The following CDK11A variants were observed in gnomAD, a reference collection of about 807,000 sequenced individuals.
The protein encoded by CDK11A is cyclin-dependent kinase 11A.
In CDK11A, 55 loss-of-function variants were observed where a neutral mutation model predicts 83.6. That is an observed-to-expected ratio of 0.66 (90% confidence interval 0.53 to 0.82). The LOEUF (loss-of-function observed/expected upper bound fraction) is 0.82. Ranked by LOEUF, CDK11A falls within the 40% of genes least tolerant of loss-of-function variation. The pLI is 0.00. For missense variants in CDK11A, 564 were observed against 810.1 expected (o/e 0.70, Z 3.69); for synonymous variants, 247 against 302.7 (o/e 0.82, Z 1.91).
intron 4 of CDK11A, among the ~76,000 whole-genome samples, chr1:1,717,368 C>T (rs1281578678): frequency 7.7e-6 from 1 of 130,390 alleles, no homozygotes; most frequent in East Asian, 2.8e-4. Flanking sequence ...GCTCCAGGTC[C>T]AATTTTCCTA....
In CDK11A at chr1:1,713,846, A is replaced by T. The variant is rs1310635640; in HGVS notation, c.489-1446T>A. ...AGGTCTTCCTTTAGTATTTCCTTTA[A>T]GGCAGGTTTCGCCAACAATGAATCC... On this transcript the variant is annotated intron_variant, in intron 5 of 19. Transcript: ENST00000404249. Among the ~76,000 whole-genome samples the T allele has an allele frequency of 4.1e-4, 20 of 48,814 alleles. 3 individuals carry two copies. The highest frequency in any genetic ancestry group is 7.5e-4 in the African/African-American group (20 of 26,654). The allele number at this position is 48,814 out of a possible 152,430, so 32.0% of individuals were successfully genotyped here.
In CDK11A at chr1:1,702,447, C is replaced by T. The variant is rs1408490462; in HGVS notation, c.*460G>A. 3.4e-5 allele frequency among the ~76,000 whole-genome samples: 4 copies of T among 116,958 alleles called. No individual in the cohort carries two copies. Among genetic ancestry groups the T allele is most frequent in the African/African-American group, 1.2e-4 (4 of 34,106 alleles). The allele number at this position is 116,958 out of a possible 152,430, so 76.7% of individuals were successfully genotyped here. A position where few individuals can be genotyped will look rare whatever the true frequency, so the allele number is the denominator to read the frequency against. On this transcript the variant is annotated 3_prime_UTR_variant, in exon 20 of 20. Transcript: ENST00000404249. ...AACCTTGTATAAAAACCTGTCGAGT[C>T]TGCTGGCACAGCTGGGGCTGGGGGT...
At chr1:1,723,488 CAAAAAA>C (rs768913380) in intron 1 of CDK11A, among the ~76,000 whole-genome samples, 1,846 of 20,648 alleles carry the variant, frequency 0.089, 103 homozygotes, top group African/African-American at 0.17. Context: ...GACCCCGTCT[CAAAAAA>C]AAAAAAAAAA....
intron 1 of CDK11A, among the ~76,000 whole-genome samples, chr1:1,723,514 A>AAAG (rs1644990461): frequency 2.3e-5 from 1 of 42,588 alleles, no homozygotes; most frequent in African/African-American, 5.3e-5. Flanking sequence ...AAAAAAAAAA[A>AAAG]AAAAAAAAAC....
intron 5 of CDK11A, among the ~76,000 whole-genome samples, chr1:1,714,866 C>T (rs971060783): frequency 6.8e-6 from 1 of 147,934 alleles, no homozygotes; most frequent in African/African-American, 2.5e-5. Flanking sequence ...CCAGTCTCTG[C>T]TGCACGTCTT....
At position 1,715,476 on chromosome 1, in the gene CDK11A, G is replaced by C. The variant is rs549155612; in HGVS notation, c.488+870C>G. Among the ~76,000 whole-genome samples the C allele has an allele frequency of 9.7e-4, 145 of 149,120 alleles. 7 individuals are homozygous for C. Among genetic ancestry groups the C allele is most frequent in the Non-Finnish European group, 1.7e-3 (111 of 66,948 alleles). On this transcript the variant is annotated intron_variant, in intron 5 of 19. Coordinates refer to ENST00000404249, the MANE Select transcript of CDK11A (RefSeq NM_024011.4). Reference sequence around the variant, plus strand: ...AAGACACACTCAATGTCTGGCACAGGGCGTGGCATACATGAATGTTTCACA... The same window carrying C: ...AAGACACACTCAATGTCTGGCACAGCGCGTGGCATACATGAATGTTTCACA...
At position 1,704,632 on chromosome 1, in the gene CDK11A, C is replaced by T. The variant is rs779278752; in HGVS notation, c.1482G>A (p.Met494Ile). 1 of 1,598,470 alleles carries T rather than the reference C, an allele frequency of 6.3e-7. No homozygotes were observed. The highest frequency in any genetic ancestry group is 8.5e-7 in the Non-Finnish European group (1 of 1,171,796). The part of the protein sequence containing the change: ...TVREIVVGSN[M>I]DKIYIVMNYV... ...AGTTCATCACGATGTAGATCTTGTC[C>T]ATGTTGCTGCCCACCACAATCTCCT... Residue 494 changes from methionine (M) to isoleucine (I), a missense_variant, in exon 14 of 20, where the codon ATG becomes ATA. Around this residue, in one of 5 missense-constraint regions of CDK11A, gnomAD observed 361 missense variants for 402.7 expected, o/e 0.90. Coordinates refer to ENST00000404249, the MANE Select transcript of CDK11A (RefSeq NM_024011.4).
chr1:1,706,778 C>G (rs1644328553), intron 11 of CDK11A, among the ~76,000 whole-genome samples: 1 of 150,788 alleles, frequency 6.6e-6, no homozygotes, highest in African/African-American at 2.4e-5. Context: ...CAGAGGCGCT[C>G]ACAAGGCATA....
In CDK11A at chr1:1,713,151, T is replaced by C. The variant is rs183150173; in HGVS notation, c.489-751A>G. On this transcript the variant is annotated intron_variant, in intron 5 of 19. Transcript: ENST00000404249. ...GGTGTGCACCACCACACCCAGGTGATTTTTGTATTTTTACTAGAGACAGGG... is the reference window on the plus strand; with the variant it reads ...GGTGTGCACCACCACACCCAGGTGACTTTTGTATTTTTACTAGAGACAGGG... 4.5e-3 allele frequency among the ~76,000 whole-genome samples: 198 copies of C among 44,044 alleles called. 72 individuals are homozygous for C. In the Middle Eastern group the frequency reaches 0.11, roughly 24 times the overall value. The allele number at this position is 44,044 out of a possible 152,430, so 28.9% of individuals were successfully genotyped here.
chr1:1,720,309 G>C (rs12044814), intron 3 of CDK11A, among the ~76,000 whole-genome samples: 119,938 of 149,026 alleles, frequency 0.8, 50,685 homozygotes, highest in Non-Finnish European at 0.93. Flanking sequence ...GTGTTAGCCA[G>C]GGTGGTCTCG....
Position 1,715,734 on chromosome 1 carries a change from A to C in CDK11A, c.488+612T>G, listed in dbSNP as rs538506858. Among the ~76,000 whole-genome samples the C allele has an allele frequency of 2.6e-4, 40 of 151,006 alleles. 1 individual carries two copies. The highest frequency in any genetic ancestry group is 1.8e-3 in the East Asian group (9 of 5,138). ...CAGCTTGCAAGCTTTCTGTGGACTCACTCTGAAGGCGGAGATGGGCCTGCT... is the reference window on the plus strand; with the variant it reads ...CAGCTTGCAAGCTTTCTGTGGACTCCCTCTGAAGGCGGAGATGGGCCTGCT... On this transcript the variant is annotated intron_variant, in intron 5 of 19. Coordinates refer to ENST00000404249, the MANE Select transcript of CDK11A (RefSeq NM_024011.4).
rs1454756396 is a variant in CDK11A, at chr1:1,704,634, T to C, written c.1480A>G (p.Met494Val). 9 of 1,598,834 alleles carry C rather than the reference T, an allele frequency of 5.6e-6. 1 individual carries two copies. Among genetic ancestry groups the C allele is most frequent in the South Asian group, 3.4e-5 (3 of 89,126 alleles). Reference sequence around the variant, plus strand: ...TTCATCACGATGTAGATCTTGTCCATGTTGCTGCCCACCACAATCTCCTGC... The same window carrying C: ...TTCATCACGATGTAGATCTTGTCCACGTTGCTGCCCACCACAATCTCCTGC... ...TVREIVVGSN[M>V]DKIYIVMNYV... The change falls in exon 14 of 20, where the codon ATG (methionine) becomes GTG (valine). Residue 494 changes from methionine (M) to valine (V), a missense_variant. Physicochemically the swap from Met to Val is conservative, Grantham distance 21 (BLOSUM62 1). Around this residue, in one of 5 missense-constraint regions of CDK11A, gnomAD observed 361 missense variants for 402.7 expected, o/e 0.90. Coordinates refer to ENST00000404249, the MANE Select transcript of CDK11A (RefSeq NM_024011.4).
intron 2 of CDK11A, 153 bp from the exon 3 acceptor site, chr1:1,721,864 T>A (rs35548050): frequency 3.4e-6 from 4 of 1,182,760 alleles, no homozygotes; most frequent in East Asian, 2.8e-5. Flanking sequence ...ATATAAAGAA[T>A]TTTTGGCCAG....
rs1471169255 is a variant in CDK11A, at chr1:1,704,419, G to A, written c.1565-75C>T. On this transcript the variant is annotated intron_variant, in intron 14 of 19. Transcript: ENST00000404249. The stretch of plus-strand genomic sequence containing the variant: ...GCACTCAGGGTGGCCCGCTCGCCTC[G>A]GCAGCAACAGAGGCTTCTCAGGGCT... 1.5e-5 allele frequency: 24 copies of A among 1,575,138 alleles called. 5 individuals are homozygous for A. The highest frequency in any genetic ancestry group is 2.0e-5 in the Non-Finnish European group (23 of 1,158,946).
rs1411907848 is a variant in CDK11A at position 1,714,834 on chromosome 1, T to C, written c.488+1512A>G. ...CTGCATCCTCAGGGCTGGTCACAAG[T>C]GGGTGGCGGCTCGAGCTCTCTCCAG... is the stretch of plus-strand genomic sequence containing the variant. On this transcript the variant is annotated intron_variant, in intron 5 of 19. Transcript: ENST00000404249. Among the ~76,000 whole-genome samples the C allele has an allele frequency of 2.1e-5, 3 of 143,232 alleles. No homozygotes were observed. In the East Asian group the frequency reaches 6.5e-4, roughly 31 times the overall value. The allele number at this position is 143,232 out of a possible 152,430, so 94.0% of individuals were successfully genotyped here. A position where few individuals can be genotyped will look rare whatever the true frequency, so the allele number is the denominator to read the frequency against.
rs367901816 is a variant in CDK11A, at chr1:1,707,451, G to C, written c.1203C>G (p.Ile401Met). Residue 401 changes from isoleucine (I) to methionine (M), a missense_variant, in exon 11 of 20, where the codon ATC becomes ATG. Around this residue, in one of 5 missense-constraint regions of CDK11A, gnomAD observed 361 missense variants for 402.7 expected, o/e 0.90. Transcript: ENST00000404249. ...YVPDSPALLP[I>M]ELKQELPKYL... ...ACTTGGGCAGCTCCTGCTTGAGCTC[G>C]ATGGGCAACAGGGCAGGGGAGTCGG... The C allele has an allele frequency of 3.1e-6, 5 of 1,607,742 alleles. No individual in the cohort carries two copies. The highest frequency in any genetic ancestry group is 4.3e-6 in the Non-Finnish European group (5 of 1,175,984).
intron 3 of CDK11A, among the ~76,000 whole-genome samples, chr1:1,721,075 C>T (rs2101349992): frequency 6.6e-6 from 1 of 150,958 alleles, no homozygotes; most frequent in African/African-American, 2.4e-5. Flanking sequence ...CGGGGTTTCA[C>T]CGTGTTAGCC....
At chr1:1,705,114 C>A in intron 12 of CDK11A, 89 bp from the exon 13 acceptor site, 4 of 1,478,044 alleles carry the variant, frequency 2.7e-6, no homozygotes, top group Non-Finnish European at 2.7e-6. Flanking sequence ...GCAGGCAGTG[C>A]CCAAAGCGCC....
In CDK11A at chr1:1,716,378, C is replaced by A. The variant is rs760989414; in HGVS notation, c.456G>T (p.Arg152Ser). The A allele has an allele frequency of 6.2e-7, 1 of 1,609,194 alleles. No homozygotes were observed. Among genetic ancestry groups the A allele is most frequent in the East Asian group, 2.2e-5 (1 of 44,792 alleles). ...TCCTGGAATGCTCCCTTGCCATTTC[C>A]CTTCTCTTCTGTCTTTCCCATTCCC... ...ARREWERQKR[R>S]EMAREHSRRE... The change falls in exon 5 of 20, where the codon AGG becomes AGT. Residue 152 changes from arginine (R) to serine (S), a missense_variant. Transcript: ENST00000404249.
Sources: gnomAD v4.1 joint callset for allele counts (sites outside exome capture counted in the v4.1 genomes callset) on GRCh38, gnomAD v4.1.1 for gene constraint, gnomAD v4.1.1 regional missense constraint, MANE v1.5 for transcripts, NCBI Gene and HGNC (gene_info 2026-07-23, HGNC 2026-07-21) for gene names.